Variants in VPS13A observed in about 807,000 individuals in gnomAD.
The protein encoded by VPS13A is vacuolar protein sorting 13 homolog A, also known as intermembrane lipid transfer protein VPS13A.
A neutral mutation model predicts 390.9 loss-of-function variants in VPS13A; 264 were observed. The ratio of observed to expected loss-of-function variants is 0.68; its 90% CI spans 0.61 to 0.75. The LOEUF (loss-of-function observed/expected upper bound fraction) is 0.75, where lower values mean the gene tolerates loss of function less well. Among genes scored for constraint, VPS13A ranks in the 30% least tolerant of loss-of-function variants. The pLI, the probability that VPS13A is intolerant of heterozygous loss-of-function variation, is 0.00. For synonymous variants in VPS13A, 1,231 were observed against 1,227.1 expected (o/e 1.00, Z -0.07); for missense variants, 3,409 against 3,733.9 (o/e 0.91, Z 2.27).
At chr9:77,227,666 A>C (rs1397636667) in intron 16 of VPS13A, among the ~76,000 whole-genome samples, 181 bp downstream of exon 16, 1 of 147,360 alleles carries the variant, frequency 6.8e-6, no homozygotes, top group East Asian at 2.0e-4. Flanking sequence ...ACAGGCATGC[A>C]CCCTCATGCT....
intron 71 of VPS13A, among the ~76,000 whole-genome samples, chr9:77,408,433 G>A (rs539154397): frequency 1.2e-4 from 19 of 152,302 alleles, no homozygotes; most frequent in Non-Finnish European, 2.5e-4. Context: ...GGGGAGTGTC[G>A]GAAAGTGGGT....
chr9:77,322,232 G>T lies in VPS13A; in HGVS notation c.5830+486G>T, dbSNP rs191818250. Among the ~76,000 whole-genome samples, 82 of 151,182 alleles carry T rather than the reference G, an allele frequency of 5.4e-4. 1 individual carries two copies. In the East Asian group the frequency reaches 6.6e-3, roughly 12 times the overall value. On this transcript the variant is annotated intron_variant, in intron 44 of 71. Coordinates refer to ENST00000360280, the MANE Select transcript of VPS13A (RefSeq NM_033305.3). ...TTATGTTCTGCCTGTTGAGATGAAG[G>T]TTTTTTCCTTTGTCTTTTCTGCTTC...
rs781109192 is a variant in VPS13A, at chr9:77,397,056, T to G, written c.9190-6180T>G. Among the ~76,000 whole-genome samples, 3 of 152,220 alleles carry G rather than the reference T, an allele frequency of 2.0e-5. No individual in the cohort carries two copies. In the East Asian group the frequency reaches 5.8e-4, roughly 29 times the overall value. On this transcript the variant is annotated intron_variant, in intron 68 of 71. Coordinates refer to ENST00000360280, the MANE Select transcript of VPS13A (RefSeq NM_033305.3). ...CAGGCTGGAGTGCAATGGTGTGATC[T>G]CAGCTCACTGCAACCTCTGCCTCCT...
intron 68 of VPS13A, among the ~76,000 whole-genome samples, chr9:77,400,269 TCACA>T (rs1834320259): frequency 6.7e-6 from 1 of 149,862 alleles, no homozygotes; most frequent in East Asian, 2.0e-4. Flanking sequence ...TTCATATTCT[TCACA>T]CATTTTTCTA....
rs1033764731 is a variant in VPS13A at position 77,417,003 on chromosome 9, G to T, written c.*997G>T. ...TTGCTTACTCTACAGTTATTCAAAT[G>T]AGAGTCACGCTTTTAAATTTACAGC... On this transcript the variant is annotated 3_prime_UTR_variant, in exon 72 of 72. Transcript: ENST00000360280. The T allele has an allele frequency of 6.6e-6, 1 of 152,394 alleles. No homozygotes were observed. Among genetic ancestry groups the T allele is most frequent in the African/African-American group, 2.4e-5 (1 of 41,442 alleles). 9.4% of individuals were successfully genotyped at this position (152,394 alleles called of 1,614,324 possible).
At chr9:77,413,381 A>T (rs1835026848) in intron 71 of VPS13A, among the ~76,000 whole-genome samples, 1 of 152,224 alleles carries the variant, frequency 6.6e-6, no homozygotes, top group Admixed American at 6.5e-5. Context: ...TGGTACTGGT[A>T]CCAAAACAGA....
At chr9:77,400,674 A>G (rs1834345573) in intron 68 of VPS13A, among the ~76,000 whole-genome samples, 1 of 151,668 alleles carries the variant, frequency 6.6e-6, no homozygotes, top group Non-Finnish European at 1.5e-5. Context: ...AATACAAAAA[A>G]AAAATTAGCC....
In VPS13A at chr9:77,359,323, ACCTT is replaced by A; in HGVS notation, c.8036-9_8036-6del. On this transcript the variant is annotated splice_polypyrimidine_tract_variant and splice_region_variant and intron_variant, in intron 57 of 71. Coordinates refer to ENST00000360280, the MANE Select transcript of VPS13A (RefSeq NM_033305.3). ...CATCATGGGAGTAATTATATTTATA[ACCTT>A]TACAGCACCAAAGCCCTTTACAGAT... 1.2e-6 allele frequency: 2 copies of A among 1,612,412 alleles called. No individual in the cohort carries two copies.
At chr9:77,195,508 G>A (rs867660030) in intron 1 of VPS13A, among the ~76,000 whole-genome samples, 4 of 152,086 alleles carry the variant, frequency 2.6e-5, no homozygotes, top group African/African-American at 7.2e-5. Flanking sequence ...AGGCTGAGGC[G>A]GGTGGATCAC....
chr9:77,252,459 T>G, intron 22 of VPS13A, 107 bp downstream of exon 22: 2 of 908,970 alleles, frequency 2.2e-6, no homozygotes, highest in Non-Finnish European at 3.7e-6. Flanking sequence ...GAAATGTATA[T>G]AACTGACTCT....
intron 45 of VPS13A, among the ~76,000 whole-genome samples, chr9:77,326,729 T>A (rs932414845): frequency 3.3e-5 from 5 of 152,218 alleles, no homozygotes; most frequent in African/African-American, 1.2e-4. Context: ...CTTTTCATTA[T>A]GGTAATTTTT....
rs973055545 is a variant in VPS13A, at chr9:77,202,182, T to C, written c.187+775T>C. ...AGGTCTTCATAATTATGTGTACTTATGGTTGGTATTAGACCACATACCATA... is the reference window on the plus strand; with the variant it reads ...AGGTCTTCATAATTATGTGTACTTACGGTTGGTATTAGACCACATACCATA... On this transcript the variant is annotated intron_variant, in intron 3 of 71. Coordinates refer to ENST00000360280, the MANE Select transcript of VPS13A (RefSeq NM_033305.3). Among the ~76,000 whole-genome samples, 6 of 152,166 alleles carry C rather than the reference T, an allele frequency of 3.9e-5. No homozygotes were observed. In the South Asian group the frequency reaches 8.3e-4, roughly 21 times the overall value.
intron 68 of VPS13A, among the ~76,000 whole-genome samples, chr9:77,396,988 T>G (rs1834143175): frequency 6.6e-6 from 1 of 152,196 alleles, no homozygotes; most frequent in African/African-American, 2.4e-5. Context: ...TTAGATGAAT[T>G]TCATGGTTTT....
intron 71 of VPS13A, among the ~76,000 whole-genome samples, chr9:77,410,094 C>T (rs1344021483): frequency 2.0e-5 from 3 of 152,200 alleles, no homozygotes; most frequent in African/African-American, 7.2e-5. Context: ...AATAGCTGAT[C>T]TCTCAGCAGA....
At chr9:77,322,681 A>T (rs1829815533) in intron 44 of VPS13A, among the ~76,000 whole-genome samples, 1 of 152,072 alleles carries the variant, frequency 6.6e-6, no homozygotes. Flanking sequence ...GAAAAGTGAC[A>T]CAAGTTGTTG....
At position 77,351,061 on chromosome 9, in the gene VPS13A, T is replaced by C; in HGVS notation, c.7290-256T>C. ...TCCATAATTAATTTGTATTAAAAAA[T>C]TGACAAAACAGTTTTAAAGACTTGA... On this transcript the variant is annotated intron_variant, in intron 52 of 71. Transcript: ENST00000360280. The C allele has an allele frequency of 8.2e-6, 3 of 366,688 alleles. No individual in the cohort carries two copies. The East Asian group carries it at 2.0e-4, about 24-fold the overall frequency. The allele number at this position is 366,688 out of a possible 1,614,324, so 22.7% of individuals were successfully genotyped here.
At chr9:77,410,555 C>T (rs1834870948) in intron 71 of VPS13A, among the ~76,000 whole-genome samples, 1 of 152,158 alleles carries the variant, frequency 6.6e-6, no homozygotes, top group Admixed American at 6.5e-5. Context: ...ACCCACCTCA[C>T]ATGCAGAGAC....
intron 17 of VPS13A, among the ~76,000 whole-genome samples, chr9:77,237,003 C>G (rs1412609844): frequency 6.6e-6 from 1 of 152,132 alleles, no homozygotes; most frequent in Non-Finnish European, 1.5e-5. Context: ...GATTCTCCTG[C>G]CTCAGGCTCC....
rs559022430 is a variant in VPS13A at position 77,379,328 on chromosome 9, C to T, written c.9078-2648C>T. On this transcript the variant is annotated intron_variant, in intron 67 of 71. Transcript: ENST00000360280. ...CTATCTCAGCTCACCGCAACCTCCGCCTCCCAAGTTCAAGCTATTCTCCTG... is the reference window on the plus strand; with the variant it reads ...CTATCTCAGCTCACCGCAACCTCCGTCTCCCAAGTTCAAGCTATTCTCCTG... Among the ~76,000 whole-genome samples, 19 of 151,976 alleles carry T rather than the reference C, an allele frequency of 1.3e-4. No homozygotes were observed. In the South Asian group the frequency reaches 4.0e-3, roughly 32 times the overall value.
Sources: allele counts gnomAD v4.1 joint callset (sites outside exome capture counted in the v4.1 genomes callset), GRCh38; gene constraint gnomAD v4.1.1; transcripts MANE v1.5; gene names NCBI Gene and HGNC (gene_info 2026-07-23, HGNC 2026-07-21).